Variants in PRSS23 observed in about 807,000 individuals in gnomAD.
PRSS23 encodes the protein serine protease 23.
PRSS23 carries 25 observed loss-of-function variants against 34.7 expected under a neutral mutation model. The ratio of observed to expected loss-of-function variants is 0.72; its 90% CI spans 0.53 to 1.01. PRSS23 has a LOEUF of 1.01. Among genes scored for constraint, PRSS23 ranks in the 50% least tolerant of loss-of-function variants. The pLI is 0.00. For missense variants in PRSS23, 445 were observed against 475.6 expected, an observed-to-expected ratio of 0.94 and a Z score of 0.60; for synonymous variants, 176 against 186.6, an observed-to-expected ratio of 0.94 and a Z score of 0.46.
At position 86,807,076 on chromosome 11, in the gene PRSS23, G is replaced by A. The variant is rs186769311; in HGVS notation, c.-13-555G>A. 9.2e-5 allele frequency among the ~76,000 whole-genome samples: 14 copies of A among 152,264 alleles called. No homozygotes were observed. In the East Asian group the frequency reaches 1.9e-3, roughly 21 times the overall value. Reference sequence around the variant, plus strand: ...AGTGCACCATCATTTAAAAACCACAGGAGTGGTGGTAATTGTGACACTGTG... The same window carrying A: ...AGTGCACCATCATTTAAAAACCACAAGAGTGGTGGTAATTGTGACACTGTG... On this transcript the variant is annotated intron_variant, in intron 1 of 1. Transcript: ENST00000280258.
chr11:86,924,294 A>G (rs80209396), intron 2 of PRSS23, among the ~76,000 whole-genome samples: 96 of 152,266 alleles, frequency 6.3e-4, no homozygotes, highest in African/African-American at 2.3e-3. Context: ...GGAAAGGAAC[A>G]GGGAATGTGC....
intron 2 of PRSS23, among the ~76,000 whole-genome samples, chr11:86,930,698 G>A (rs1949118451): frequency 6.6e-6 from 1 of 151,982 alleles, no homozygotes; most frequent in African/African-American, 2.4e-5. Context: ...GCTGAGGCAG[G>A]AGAATGGTGT....
chr11:86,862,406 C>T (rs913256188), intron 2 of PRSS23, among the ~76,000 whole-genome samples: 3 of 150,828 alleles, frequency 2.0e-5, no homozygotes, highest in East Asian at 2.0e-4. Context: ...GATATGTTAC[C>T]GTAATGTCAC....
chr11:86,860,720 C>T (rs1187497052), intron 2 of PRSS23, among the ~76,000 whole-genome samples: 1 of 151,668 alleles, frequency 6.6e-6, no homozygotes, highest in African/African-American at 2.4e-5. Flanking sequence ...AATATAACCC[C>T]AAATTTGGCC....
At chr11:86,853,536 T>C (rs1293560148) in intron 2 of PRSS23, among the ~76,000 whole-genome samples, 1 of 152,146 alleles carries the variant, frequency 6.6e-6, no homozygotes, top group South Asian at 2.1e-4. Context: ...ATTACAGGTG[T>C]GAGCCACTGC....
intron 2 of PRSS23, among the ~76,000 whole-genome samples, chr11:86,922,595 G>C (rs749321351): frequency 3.3e-5 from 5 of 152,178 alleles, no homozygotes; most frequent in Non-Finnish European, 7.3e-5. Context: ...CACAGTAGTA[G>C]CTCAGTAAAA....
chr11:86,882,274 A>G (rs3016249), intron 2 of PRSS23, among the ~76,000 whole-genome samples: 70,559 of 151,996 alleles, frequency 0.46, 17,699 homozygotes, highest in Non-Finnish European at 0.56. Context: ...GCATGTCATG[A>G]GGGTTTCTTG....
intron 2 of PRSS23, among the ~76,000 whole-genome samples, chr11:86,892,785 G>A (rs1227195493): frequency 1.3e-5 from 2 of 152,014 alleles, no homozygotes; most frequent in African/African-American, 4.8e-5. Context: ...ATGCTTCCTG[G>A]AATCAGAGTG....
chr11:86,951,548 G>A, exon 3 of PRSS23: 1 of 1,614,130 alleles, frequency 6.2e-7, no homozygotes, highest in Admixed American at 1.7e-5. Context: ...AATGAACAAA[G>A]TTCCAATGAC....
At chr11:86,926,140 A>T (rs1368215650) in intron 2 of PRSS23, among the ~76,000 whole-genome samples, 1 of 152,188 alleles carries the variant, frequency 6.6e-6, no homozygotes. Context: ...AGGTGGGTGG[A>T]TCACCTGAGA....
intron 2 of PRSS23, among the ~76,000 whole-genome samples, chr11:86,942,399 T>A (rs1034717445): frequency 6.6e-5 from 10 of 152,244 alleles, no homozygotes; most frequent in African/African-American, 2.2e-4. Flanking sequence ...CATTGCTTTA[T>A]ATTCCACCCA....
At chr11:86,873,250 A>ATATGTG (rs1948698347) in intron 2 of PRSS23, among the ~76,000 whole-genome samples, 1 of 111,760 alleles carries the variant, frequency 8.9e-6, no homozygotes, top group African/African-American at 4.5e-5. Context: ...ACACACACAT[A>ATATGTG]TATATGTATA....
chr11:86,840,860 A>G (rs193199300), intron 2 of PRSS23, among the ~76,000 whole-genome samples: 96 of 123,288 alleles, frequency 7.8e-4, no homozygotes, highest in African/African-American at 2.6e-3. Context: ...CTGAGTGACT[A>G]CTGGGTAAAT....
intron 2 of PRSS23, among the ~76,000 whole-genome samples, chr11:86,866,544 A>G (rs1317820961): frequency 6.6e-6 from 1 of 152,232 alleles, no homozygotes. Context: ...GTCAGCATTC[A>G]TTGAACACCT....
chr11:86,823,571 G>T lies in PRSS23; in HGVS notation c.184G>T (p.Glu62Ter). 2 of 702,598 alleles carry T rather than the reference G, an allele frequency of 2.8e-6. No homozygotes were observed. The highest frequency in any genetic ancestry group is 1.5e-5 in the South Asian group (1 of 67,594). 43.5% of individuals were successfully genotyped at this position (702,598 alleles called of 1,614,324 possible). Reference sequence around the variant, plus strand: ...GAAAAGACAGTGTTCTGCTTTCATGGAGTTCACAGAAGAGTCGAGGAGGTA... The same window carrying T: ...GAAAAGACAGTGTTCTGCTTTCATGTAGTTCACAGAAGAGTCGAGGAGGTA... The change falls in exon 2 of 3, where the codon GAG (glutamate) becomes TAG (stop). Residue 62 changes from glutamate (E) to a stop codon, truncating the protein, a stop_gained. Transcript: ENST00000533902. LOFTEE classifies it high-confidence loss of function.
intron 2 of PRSS23, among the ~76,000 whole-genome samples, chr11:86,871,192 T>C (rs1461340174): frequency 6.6e-6 from 1 of 152,198 alleles, no homozygotes; most frequent in Non-Finnish European, 1.5e-5. Context: ...GTTTTATGCC[T>C]TTTTAGGGTG....
chr11:86,830,253 C>T (rs1354486040), intron 2 of PRSS23, among the ~76,000 whole-genome samples: 3 of 152,286 alleles, frequency 2.0e-5, no homozygotes, highest in Admixed American at 6.5e-5. Context: ...GACTGCTGTG[C>T]TAGCAATCAG....
chr11:86,881,204 G>T lies in PRSS23; in HGVS notation c.206+57611G>T, dbSNP rs540874394. Among the ~76,000 whole-genome samples the T allele has an allele frequency of 2.3e-4, 35 of 150,252 alleles. 1 individual carries two copies. Among genetic ancestry groups the T allele is most frequent in the African/African-American group, 8.3e-4 (34 of 41,040 alleles). Reference sequence around the variant, plus strand: ...TTTTGCTAGATTTCCTCAGGTTGAGGAAGTTCCCTCTAACTGTTGAGGAAA... The same window carrying T: ...TTTTGCTAGATTTCCTCAGGTTGAGTAAGTTCCCTCTAACTGTTGAGGAAA... On this transcript the variant is annotated intron_variant, in intron 2 of 2. Transcript: ENST00000533902.
intron 2 of PRSS23, among the ~76,000 whole-genome samples, chr11:86,928,659 A>G (rs1326460935): frequency 8.2e-6 from 1 of 121,618 alleles, no homozygotes; most frequent in African/African-American, 3.0e-5. Context: ...TGGGCGACAA[A>G]GCAAGACTCT....
Sources: allele counts gnomAD v4.1 joint callset (sites outside exome capture counted in the v4.1 genomes callset), GRCh38; gene constraint gnomAD v4.1.1; transcripts MANE v1.5; gene names NCBI Gene and HGNC (gene_info 2026-07-23, HGNC 2026-07-21).